LCP1: variants seen among roughly 807,000 people sequenced by gnomAD.
LCP1 encodes lymphocyte cytosolic protein 1.
A neutral mutation model predicts 72.0 loss-of-function variants in LCP1; 23 were observed. That is an observed-to-expected ratio of 0.32 (90% confidence interval 0.23 to 0.45). The LOEUF (loss-of-function observed/expected upper bound fraction) is 0.45, where lower values mean the gene tolerates loss of function less well. Ranked by LOEUF, LCP1 falls within the 20% of genes least tolerant of loss-of-function variation. The pLI is 1.00. For synonymous variants in LCP1, 245 were observed against 275.4 expected, an observed-to-expected ratio of 0.89 and a Z score of 1.09; for missense variants, 571 against 748.3, an observed-to-expected ratio of 0.76 and a Z score of 2.76.
At chr13:46,152,622 G>A (rs2045775830) in intron 7 of LCP1, among the ~76,000 whole-genome samples, 158 bp downstream of exon 7, 2 of 152,100 alleles carry the variant, frequency 1.3e-5, no homozygotes, top group African/African-American at 4.8e-5. Context: ...AAAAACGTCT[G>A]GTCTGTGTGT....
intron 4 of LCP1, 23 bp downstream of exon 4, chr13:46,158,499 T>C: frequency 6.2e-7 from 1 of 1,610,222 alleles, no homozygotes; most frequent in Non-Finnish European, 8.5e-7. Flanking sequence ...GAAATCCTGC[T>C]CCAACCCAGG....
At chr13:46,149,653 C>A (rs1050935019) in intron 8 of LCP1, among the ~76,000 whole-genome samples, 9 of 152,308 alleles carry the variant, frequency 5.9e-5, no homozygotes, top group African/African-American at 2.2e-4. Context: ...GCAGCGGCTG[C>A]CAGAGAACAG....
At chr13:46,149,203 A>G (rs1357416065) in intron 8 of LCP1, among the ~76,000 whole-genome samples, 1 of 152,224 alleles carries the variant, frequency 6.6e-6, no homozygotes, top group Admixed American at 6.5e-5. Flanking sequence ...TCTCATAAAG[A>G]TCGAAAAATC....
chr13:46,163,177 C>A (rs1285763846), intron 1 of LCP1, among the ~76,000 whole-genome samples: 5 of 152,236 alleles, frequency 3.3e-5, no homozygotes, highest in African/African-American at 9.6e-5. Flanking sequence ...ATGACAATGG[C>A]GGTTTTGTGG....
chr13:46,142,463 T>C (rs771046908), intron 12 of LCP1, 38 bp from the exon 13 acceptor site: 37 of 1,600,548 alleles, frequency 2.3e-5, no homozygotes, highest in Non-Finnish European at 3.0e-5. Flanking sequence ...AACGTCATCA[T>C]CTTGATTATG....
At chr13:46,177,933 A>T (rs950875878) in intron 1 of LCP1, among the ~76,000 whole-genome samples, 3 of 152,064 alleles carry the variant, frequency 2.0e-5, no homozygotes, top group Admixed American at 6.5e-5. Context: ...TTATAAAAGC[A>T]CTTATCATAT....
chr13:46,179,407 A>G (rs9562640), intron 1 of LCP1, among the ~76,000 whole-genome samples: 5,358 of 152,316 alleles, frequency 0.035, 139 homozygotes, highest in East Asian at 0.097. Context: ...TCAATTCAAT[A>G]AATGCCTTTA....
rs1217168721 is a variant in LCP1, at chr13:46,126,027, C to T, written c.*1564G>A. 2 of 206,012 alleles carry T rather than the reference C, an allele frequency of 9.7e-6. No homozygotes were observed. Among genetic ancestry groups the T allele is most frequent in the Non-Finnish European group, 2.0e-5 (2 of 100,538 alleles). 12.8% of individuals were successfully genotyped at this position (206,012 alleles called of 1,614,324 possible). A position where few individuals can be genotyped will look rare whatever the true frequency, so the allele number is the denominator to read the frequency against. On this transcript the variant is annotated 3_prime_UTR_variant, in exon 16 of 16. Transcript: ENST00000323076. ...CCTGGAGGCGGAGGGGGGAAATCAT[C>T]TGAGGCTACAGTAAGTTCAATCTGA...
chr13:46,175,968 G>C (rs536306478), intron 1 of LCP1, among the ~76,000 whole-genome samples: 3 of 152,138 alleles, frequency 2.0e-5, no homozygotes, highest in Non-Finnish European at 2.9e-5. Context: ...TGGCCTTTCT[G>C]GTGAGGGTGA....
At chr13:46,147,219 A>G (rs1358063364) in intron 9 of LCP1, 116 bp from the exon 10 acceptor site, 3 of 900,196 alleles carry the variant, frequency 3.3e-6, no homozygotes, top group African/African-American at 1.7e-5. Flanking sequence ...TATCTCAGGC[A>G]GACACTTAAT....
intron 1 of LCP1, among the ~76,000 whole-genome samples, chr13:46,165,138 C>T (rs768029029): frequency 1.6e-4 from 24 of 151,998 alleles, no homozygotes; most frequent in Non-Finnish European, 2.5e-4. Flanking sequence ...GTTGGGAGGC[C>T]GAGGTGCACG....
chr13:46,127,694 C>T lies in LCP1; in HGVS notation c.1781G>A (p.Gly594Glu). 1 of 1,614,042 alleles carries T rather than the reference C, an allele frequency of 6.2e-7. No individual in the cohort carries two copies. The highest frequency in any genetic ancestry group is 8.5e-7 in the Non-Finnish European group (1 of 1,180,008). Residue 594 changes from glycine (G) to glutamate (E), a missense_variant, in exon 16 of 16, where the codon GGA becomes GAA. Coordinates refer to ENST00000323076, the MANE Select transcript of LCP1 (RefSeq NM_002298.5). ...TTCTGGCAGGGCATACACTCTTGCT[C>T]CAATTTTTCGGGCCATAGAGATGGC... ...KYAISMARKIGARVYALPEDL... is the reference protein window; with the variant it reads ...KYAISMARKIEARVYALPEDL...
chr13:46,164,213 G>A (rs2045863991), intron 1 of LCP1, among the ~76,000 whole-genome samples: 1 of 152,184 alleles, frequency 6.6e-6, no homozygotes, highest in African/African-American at 2.4e-5. Context: ...ATAAATATAA[G>A]TAGAAGCAGA....
intron 6 of LCP1, chr13:46,153,382 C>A (rs1447561652): frequency 1.3e-5 from 2 of 152,686 alleles, no homozygotes; most frequent in African/African-American, 4.8e-5. Flanking sequence ...AGCAGAAGAG[C>A]TTTTTGACTT....
intron 1 of LCP1, among the ~76,000 whole-genome samples, chr13:46,170,963 G>A (rs1355741427): frequency 6.6e-6 from 1 of 152,194 alleles, no homozygotes; most frequent in Non-Finnish European, 1.5e-5. Flanking sequence ...AGCAGTAGGA[G>A]ATTGCTTAAA....
chr13:46,128,205 G>A (rs1490327239), intron 15 of LCP1, among the ~76,000 whole-genome samples: 2 of 152,118 alleles, frequency 1.3e-5, no homozygotes, highest in African/African-American at 2.4e-5. Context: ...AGCAGAAAGA[G>A]TCACAGAACT....
intron 1 of LCP1, among the ~76,000 whole-genome samples, chr13:46,166,588 T>C (rs1411919541): frequency 1.3e-5 from 2 of 152,136 alleles, no homozygotes; most frequent in Non-Finnish European, 2.9e-5. Flanking sequence ...CTTCCAAACA[T>C]CTCAAGAACA....
At chr13:46,164,261 A>G (rs1483733798) in intron 1 of LCP1, among the ~76,000 whole-genome samples, 1 of 152,246 alleles carries the variant, frequency 6.6e-6, no homozygotes, top group African/African-American at 2.4e-5. Context: ...AGTAGGGCCA[A>G]TGAAGAAACA....
intron 1 of LCP1, among the ~76,000 whole-genome samples, chr13:46,163,021 G>GC (rs970488522): frequency 6.8e-6 from 1 of 146,518 alleles, no homozygotes; most frequent in South Asian, 2.2e-4. Flanking sequence ...GTGGGGGGCA[G>GC]CCCCCGCCCG....
Sources: allele counts gnomAD v4.1 joint callset (sites outside exome capture counted in the v4.1 genomes callset), GRCh38; gene constraint gnomAD v4.1.1; transcripts MANE v1.5; gene names NCBI Gene and HGNC (gene_info 2026-07-23, HGNC 2026-07-21).